Variants in CNTN1 observed in about 807,000 individuals in gnomAD.
CNTN1 encodes contactin-1.
CNTN1 carries 38 observed loss-of-function variants against 126.4 expected under a neutral mutation model. The observed-to-expected ratio is 0.30, with a 90% CI of 0.23 to 0.39. CNTN1 has a LOEUF of 0.39. CNTN1 is among the 10% of genes least tolerant of loss of function. The pLI is 1.00. For synonymous variants in CNTN1, 413 were observed against 422.6 expected (o/e 0.98, Z 0.28); for missense variants, 1,009 against 1,248.4 (o/e 0.81, Z 2.89).
At chr12:40,878,483 A>G (rs1421538923) in intron 1 of CNTN1, among the ~76,000 whole-genome samples, 1 of 152,200 alleles carries the variant, frequency 6.6e-6, no homozygotes, top group Non-Finnish European at 1.5e-5. Flanking sequence ...TGACATGTTC[A>G]ATTAGTTTTA....
At chr12:40,936,318 G>A (rs541349296) in intron 9 of CNTN1, among the ~76,000 whole-genome samples, 37 of 152,056 alleles carry the variant, frequency 2.4e-4, no homozygotes, top group Non-Finnish European at 4.3e-4. Flanking sequence ...AGATGTTACC[G>A]TGGCCACTAG....
chr12:40,918,536 G>T, intron 3 of CNTN1, 103 bp from the exon 4 acceptor site: 1 of 1,024,588 alleles, frequency 9.8e-7, no homozygotes, highest in Non-Finnish European at 1.5e-6. Context: ...TTAAAATGGA[G>T]ATTCTGTTTC....
intron 1 of CNTN1, among the ~76,000 whole-genome samples, chr12:40,720,626 TG>T (rs1314021203): frequency 5.3e-5 from 8 of 152,146 alleles, no homozygotes; most frequent in African/African-American, 1.7e-4. Flanking sequence ...CAATTTTTTG[TG>T]TAATTAAAAT....
intron 1 of CNTN1, among the ~76,000 whole-genome samples, chr12:40,890,215 C>G: frequency 6.6e-6 from 1 of 152,108 alleles, no homozygotes; most frequent in East Asian, 1.9e-4. Flanking sequence ...TTTAGGTTTA[C>G]AGCAAAGTTG....
At chr12:40,833,612 T>G (rs1434410146) in intron 1 of CNTN1, among the ~76,000 whole-genome samples, 1 of 152,228 alleles carries the variant, frequency 6.6e-6, no homozygotes, top group Non-Finnish European at 1.5e-5. Flanking sequence ...ACTGTTATCT[T>G]ATTTTGAATT....
Position 40,844,069 on chromosome 12 carries a change from A to T in CNTN1, c.-76-64288A>T, listed in dbSNP as rs1277508023. Among the ~76,000 whole-genome samples, 136 of 84,622 alleles carry T rather than the reference A, an allele frequency of 1.6e-3. 1 individual carries two copies. Among genetic ancestry groups the T allele is most frequent in the South Asian group, 3.1e-3 (7 of 2,288 alleles). 55.5% of individuals were successfully genotyped at this position (84,622 alleles called of 152,430 possible). On this transcript the variant is annotated intron_variant, in intron 1 of 23. Coordinates refer to ENST00000551295, the MANE Select transcript of CNTN1 (RefSeq NM_001843.4). ...ATTGAAAAAATTCTTTGGCACAATG[A>T]TTTTTTTTTTTTTTTTGAGACGGAG...
intron 11 of CNTN1, among the ~76,000 whole-genome samples, chr12:40,938,388 C>T (rs192107424): frequency 1.3e-5 from 2 of 152,294 alleles, no homozygotes; most frequent in East Asian, 1.9e-4. Context: ...GAAAGCAGGA[C>T]TCCAATTATT....
chr12:41,057,357 A>G (rs73126947), intron 23 of CNTN1, among the ~76,000 whole-genome samples: 1,613 of 151,536 alleles, frequency 0.011, 8 homozygotes, highest in Middle Eastern at 0.024. Flanking sequence ...CATGATCACT[A>G]CAAAAAGGAA....
At chr12:41,061,405 A>G (rs1420132382) in intron 23 of CNTN1, among the ~76,000 whole-genome samples, 1 of 152,166 alleles carries the variant, frequency 6.6e-6, no homozygotes, top group Non-Finnish European at 1.5e-5. Context: ...AACTGCCAGG[A>G]TAAGCTGCCA....
chr12:40,895,145 A>G (rs1944365389), intron 1 of CNTN1, among the ~76,000 whole-genome samples: 1 of 152,224 alleles, frequency 6.6e-6, no homozygotes, highest in South Asian at 2.1e-4. Context: ...TTATAATAGT[A>G]TAGTCCATTT....
chr12:40,927,197 A>G (rs1945725983), intron 6 of CNTN1, among the ~76,000 whole-genome samples: 1 of 152,128 alleles, frequency 6.6e-6, no homozygotes, highest in Non-Finnish European at 1.5e-5. Flanking sequence ...TACTGAAAAA[A>G]TAATTTTATG....
chr12:40,694,741 G>C (rs1419962117), intron 1 of CNTN1, among the ~76,000 whole-genome samples: 1 of 152,110 alleles, frequency 6.6e-6, no homozygotes, highest in African/African-American at 2.4e-5. Context: ...GTGCGAGCTG[G>C]CTTTTAATTT....
intron 1 of CNTN1, among the ~76,000 whole-genome samples, chr12:40,870,817 C>T (rs1943461673): frequency 6.6e-6 from 1 of 152,098 alleles, no homozygotes; most frequent in African/African-American, 2.4e-5. Flanking sequence ...TATCGTTGAG[C>T]TTGGCCAGTT....
intron 17 of CNTN1, among the ~76,000 whole-genome samples, chr12:40,995,320 C>T (rs1482302894): frequency 1.3e-5 from 2 of 151,920 alleles, no homozygotes; most frequent in Non-Finnish European, 2.9e-5. Flanking sequence ...GGAACTCTGC[C>T]ATTCATTTAA....
At chr12:40,847,117 C>T (rs983431616) in intron 1 of CNTN1, among the ~76,000 whole-genome samples, 4 of 152,140 alleles carry the variant, frequency 2.6e-5, no homozygotes, top group Admixed American at 2.0e-4. Flanking sequence ...CCACCCACCT[C>T]GGCCTCCCAA....
chr12:41,070,113 A>C lies in CNTN1; in HGVS notation c.*78A>C. On this transcript the variant is annotated 3_prime_UTR_variant, in exon 24 of 24. Transcript: ENST00000551295. Reference sequence around the variant, plus strand: ...CCTGGGATGACCACAATTCCTTCCAATTTCTGCGGCTCCATCCTAAGCCAA... The same window carrying C: ...CCTGGGATGACCACAATTCCTTCCACTTTCTGCGGCTCCATCCTAAGCCAA... 7.8e-7 allele frequency: 1 copy of C among 1,275,030 alleles called. No homozygotes were observed. The highest frequency in any genetic ancestry group is 1.2e-5 in the South Asian group (1 of 84,178). The allele number at this position is 1,275,030 out of a possible 1,614,324, so 79.0% of individuals were successfully genotyped here. A position where few individuals can be genotyped will look rare whatever the true frequency, so the allele number is the denominator to read the frequency against.
chr12:40,834,499 G>A (rs867786321), intron 1 of CNTN1, among the ~76,000 whole-genome samples: 19 of 152,246 alleles, frequency 1.2e-4, no homozygotes, highest in Admixed American at 3.3e-4. Context: ...ATCTGGAGGC[G>A]GAGCTGTGCC....
chr12:40,941,388 A>G (rs1946259099), intron 12 of CNTN1, among the ~76,000 whole-genome samples: 1 of 152,112 alleles, frequency 6.6e-6, no homozygotes, highest in Non-Finnish European at 1.5e-5. Context: ...AGGACTAACT[A>G]AATATTGGTC....
At chr12:40,750,860 T>C (rs144023394) in intron 1 of CNTN1, among the ~76,000 whole-genome samples, 1 of 152,152 alleles carries the variant, frequency 6.6e-6, no homozygotes, top group Non-Finnish European at 1.5e-5. Flanking sequence ...GGAGATGAAG[T>C]CTAGAGATAG....
Sources: gnomAD v4.1 joint callset for allele counts (sites outside exome capture counted in the v4.1 genomes callset) on GRCh38, gnomAD v4.1.1 for gene constraint, MANE v1.5 for transcripts, NCBI Gene and HGNC (gene_info 2026-07-23, HGNC 2026-07-21) for gene names.